The following SMOC1 variants were observed in gnomAD, a reference collection of about 807,000 sequenced individuals.
SMOC1 encodes the protein SPARC related modular calcium binding 1, also known as SPARC-related modular calcium-binding protein 1.
SMOC1 carries 22 observed loss-of-function variants against 56.3 expected under a neutral mutation model. That is an observed-to-expected ratio of 0.39 (90% CI 0.28 to 0.56). The LOEUF is 0.56. Among genes scored for constraint, SMOC1 ranks in the 20% least tolerant of loss-of-function variants. SMOC1 has a pLI of 0.61. For missense variants in SMOC1, 509 were observed against 565.4 expected (o/e 0.90, Z 1.01); for synonymous variants, 193 against 215.0 (o/e 0.90, Z 0.89).
chr14:69,968,168 T>C (rs1009789319), intron 3 of SMOC1, among the ~76,000 whole-genome samples: 4 of 152,214 alleles, frequency 2.6e-5, no homozygotes, highest in African/African-American at 9.7e-5. Flanking sequence ...TTCTTGAGTA[T>C]TTCATGATAA....
At chr14:69,939,274 A>G (rs116743711) in intron 1 of SMOC1, among the ~76,000 whole-genome samples, 3,422 of 152,340 alleles carry the variant, frequency 0.022, 133 homozygotes, top group African/African-American at 0.079. Flanking sequence ...GAACAAAGGC[A>G]TATCTTACAT....
At chr14:69,901,539 G>A (rs1186361437) in intron 1 of SMOC1, among the ~76,000 whole-genome samples, 1 of 152,208 alleles carries the variant, frequency 6.6e-6, no homozygotes, top group East Asian at 1.9e-4. Flanking sequence ...TGGGGCTGTG[G>A]AAAGTAAGGG....
intron 10 of SMOC1, among the ~76,000 whole-genome samples, chr14:70,021,874 AG>A (rs1885740451): frequency 6.6e-6 from 1 of 152,274 alleles, no homozygotes; most frequent in East Asian, 1.9e-4. Context: ...TGGCATGACA[AG>A]TGCCTTGAAT....
At chr14:69,927,264 A>G (rs146906771) in intron 1 of SMOC1, among the ~76,000 whole-genome samples, 165 of 152,386 alleles carry the variant, frequency 1.1e-3, no homozygotes, top group South Asian at 0.011. Context: ...TTGGTTTTGC[A>G]GGTCATCAAC....
intron 5 of SMOC1, among the ~76,000 whole-genome samples, chr14:69,981,560 T>G (rs1156439236): frequency 6.6e-6 from 1 of 152,134 alleles, no homozygotes; most frequent in Non-Finnish European, 1.5e-5. Flanking sequence ...GGTGCACATG[T>G]GCATTCACAT....
intron 1 of SMOC1, among the ~76,000 whole-genome samples, chr14:69,893,236 T>C (rs1247513310): frequency 2.6e-5 from 4 of 152,262 alleles, no homozygotes; most frequent in African/African-American, 7.2e-5. Flanking sequence ...ATACAACATC[T>C]GTGATGTTAG....
chr14:69,986,235 T>C (rs1348257849), intron 5 of SMOC1, among the ~76,000 whole-genome samples: 1 of 152,126 alleles, frequency 6.6e-6, no homozygotes, highest in Non-Finnish European at 1.5e-5. Flanking sequence ...AGATTAGTGG[T>C]TGCCAGGTGT....
At chr14:69,949,180 GC>G (rs1882903857) in intron 1 of SMOC1, among the ~76,000 whole-genome samples, 1 of 152,186 alleles carries the variant, frequency 6.6e-6, no homozygotes, top group Non-Finnish European at 1.5e-5. Flanking sequence ...GGCCACCTCT[GC>G]CCACGTGCAA....
intron 1 of SMOC1, among the ~76,000 whole-genome samples, chr14:69,906,744 A>T (rs1884418755): frequency 6.6e-6 from 1 of 152,218 alleles, no homozygotes; most frequent in South Asian, 2.1e-4. Context: ...CACCTAAGAG[A>T]CATCCACTGA....
Position 70,023,452 on chromosome 14 carries a change from G to A in SMOC1, c.1291+5G>A. The A allele has an allele frequency of 1.2e-6, 2 of 1,613,834 alleles. No individual in the cohort carries two copies. Among genetic ancestry groups the A allele is most frequent in the South Asian group, 1.1e-5 (1 of 91,082 alleles). On this transcript the variant is annotated splice_donor_5th_base_variant and intron_variant, in intron 11 of 11. Coordinates refer to ENST00000361956, the MANE Select transcript of SMOC1 (RefSeq NM_001034852.3). ...GCCTGGGTGTTAGCAAAGAAGGTGAGTGCTCTCCCCTGTGCTCCTGGCCTT... is the reference window on the plus strand; with the variant it reads ...GCCTGGGTGTTAGCAAAGAAGGTGAATGCTCTCCCCTGTGCTCCTGGCCTT...
intron 1 of SMOC1, among the ~76,000 whole-genome samples, chr14:69,945,226 A>G (rs1330336603): frequency 1.3e-5 from 2 of 152,258 alleles, no homozygotes; most frequent in African/African-American, 4.8e-5. Context: ...AGACGTGTAA[A>G]TAGATAAATG....
intron 7 of SMOC1, among the ~76,000 whole-genome samples, chr14:70,010,027 CG>C (rs1885278924): frequency 1.3e-5 from 2 of 152,260 alleles, no homozygotes; most frequent in South Asian, 4.2e-4. Context: ...CTGTCTCAGC[CG>C]GGGACTGGCT....
intron 1 of SMOC1, among the ~76,000 whole-genome samples, chr14:69,894,725 G>C (rs1414626605): frequency 2.0e-5 from 3 of 152,214 alleles, no homozygotes; most frequent in African/African-American, 2.4e-5. Flanking sequence ...TGCATGACCA[G>C]TTGCTTCATC....
chr14:69,879,912 C>A (rs1327911453), intron 1 of SMOC1, 135 bp downstream of exon 1: 15 of 755,882 alleles, frequency 2.0e-5, no homozygotes, highest in Admixed American at 3.5e-5. Flanking sequence ...AGGTCCCCTG[C>A]GGGCTTGGTG....
intron 1 of SMOC1, among the ~76,000 whole-genome samples, chr14:69,910,008 G>T (rs961847283): frequency 2.0e-5 from 3 of 152,132 alleles, no homozygotes; most frequent in Admixed American, 1.3e-4. Flanking sequence ...TGGAGCAGAT[G>T]GTTTCCTCCT....
At chr14:70,015,672 A>G (rs1417189989) in intron 10 of SMOC1, among the ~76,000 whole-genome samples, 1 of 151,978 alleles carries the variant, frequency 6.6e-6, no homozygotes, top group Non-Finnish European at 1.5e-5. Flanking sequence ...AAAGATGAAG[A>G]CAGGGTTCAA....
intron 10 of SMOC1, among the ~76,000 whole-genome samples, chr14:70,017,729 G>A (rs750166824): frequency 1.4e-4 from 22 of 152,314 alleles, no homozygotes; most frequent in Non-Finnish European, 2.5e-4. Context: ...AGGTTCTGGG[G>A]CATCTGAAGA....
chr14:70,023,109 C>T, intron 10 of SMOC1, 94 bp from the exon 11 acceptor site: 2 of 1,601,100 alleles, frequency 1.2e-6, no homozygotes, highest in South Asian at 2.2e-5. Context: ...GCCGTTTCTA[C>T]CTGACTTTCT....
At chr14:69,913,161 G>T (rs577236734) in intron 1 of SMOC1, among the ~76,000 whole-genome samples, 1 of 152,296 alleles carries the variant, frequency 6.6e-6, no homozygotes, top group East Asian at 1.9e-4. Context: ...CACCTTGATT[G>T]TGTGGTTCTA....
Sources: gnomAD v4.1 joint callset for allele counts (sites outside exome capture counted in the v4.1 genomes callset) on GRCh38, gnomAD v4.1.1 for gene constraint, MANE v1.5 for transcripts, NCBI Gene and HGNC (gene_info 2026-07-23, HGNC 2026-07-21) for gene names.